MFN2: variants seen among roughly 807,000 people sequenced by gnomAD.
MFN2 encodes the protein mitofusin-2.
MFN2 carries 43 observed loss-of-function variants against 87.5 expected under a neutral mutation model. The observed-to-expected ratio is 0.49, with a 90% CI of 0.38 to 0.63. The LOEUF (loss-of-function observed/expected upper bound fraction) is 0.63. Among genes scored for constraint, MFN2 ranks in the 30% least tolerant of loss-of-function variants. MFN2 has a pLI of 0.00. For missense variants in MFN2, 743 were observed against 972.8 expected (o/e 0.76, Z 3.14); for synonymous variants, 337 against 359.9 (o/e 0.94, Z 0.72).
intron 18 of MFN2, among the ~76,000 whole-genome samples, chr1:12,010,887 G>A (rs1414451640): frequency 1.3e-5 from 2 of 152,242 alleles, no homozygotes; most frequent in African/African-American, 2.4e-5. Context: ...ATCAGCACAC[G>A]GGGACCCTGC....
At chr1:11,996,888 A>C (rs11577895) in intron 5 of MFN2, among the ~76,000 whole-genome samples, 98,613 of 151,844 alleles carry the variant, frequency 0.65, 32,416 homozygotes, top group African/African-American at 0.69. Flanking sequence ...AAATACAAAA[A>C]TTAGCTGGGC....
intron 4 of MFN2, among the ~76,000 whole-genome samples, chr1:11,994,156 C>G (rs1326468519): frequency 6.6e-6 from 1 of 152,228 alleles, no homozygotes; most frequent in African/African-American, 2.4e-5. Context: ...ATACCTGTGA[C>G]TGGAACCAAT....
chr1:12,007,159 C>A lies in MFN2; in HGVS notation c.1979C>A (p.Ala660Asp), dbSNP rs377090439. 6 of 1,614,088 alleles carry A rather than the reference C, an allele frequency of 3.7e-6. No individual in the cohort carries two copies. Among genetic ancestry groups the A allele is most frequent in the African/African-American group, 1.3e-5 (1 of 74,946 alleles). ...TGGACCACCAAGGCCAAGGAGAGGG[C>A]CTTCAAGCGCCAGTTTGTGGAGCAT... ...LTWTTKAKER[A>D]FKRQFVEHAS... Residue 660 changes from alanine (A) to aspartate (D), a missense_variant, in exon 17 of 19, where the codon GCC becomes GAC. Physicochemically the swap from Ala to Asp is moderately radical, Grantham distance 126. This residue lies in a region of MFN2 where 571 missense variants were observed against 670.7 expected (regional missense o/e 0.85). Coordinates refer to ENST00000235329, the MANE Select transcript of MFN2 (RefSeq NM_014874.4).
intron 3 of MFN2, among the ~76,000 whole-genome samples, chr1:11,990,579 C>G (rs1002818070): frequency 1.3e-5 from 2 of 152,138 alleles, no homozygotes; most frequent in Non-Finnish European, 2.9e-5. Flanking sequence ...GTGATGCATG[C>G]TTTGATTTCT....
Position 12,005,883 on chromosome 1 carries a change from C to T in MFN2, c.1668C>T (p.Phe556=), listed in dbSNP as rs1022836760. Residue 556 remains phenylalanine (F), a synonymous_variant, in exon 15 of 19, where the codon TTC becomes TTT. Coordinates refer to ENST00000235329, the MANE Select transcript of MFN2 (RefSeq NM_014874.4). The stretch of plus-strand genomic sequence containing the variant: ...GATGGACCATGCTGGTGAATAGGTT[C>T]CTGGGCCCCAAGAACAGCCGTCGGG... ...SLGWTMLVNR[F]LGPKNSRRAL... is the part of the protein sequence containing the mutation. 6.2e-7 allele frequency: 1 copy of T among 1,614,122 alleles called. No individual in the cohort carries two copies. Among genetic ancestry groups the T allele is most frequent in the Non-Finnish European group, 8.5e-7 (1 of 1,180,020 alleles).
At chr1:11,997,461 G>A in intron 6 of MFN2, 40 bp downstream of exon 6, 1 of 1,612,826 alleles carries the variant, frequency 6.2e-7, no homozygotes, top group South Asian at 1.1e-5. Context: ...CAAACTGGAA[G>A]GCACCAGGTT....
At chr1:11,998,456 G>A (rs940812310) in intron 6 of MFN2, among the ~76,000 whole-genome samples, 4 of 152,064 alleles carry the variant, frequency 2.6e-5, no homozygotes. Flanking sequence ...GCTGAGGCAG[G>A]AGGATCGCTT....
chr1:11,983,800 A>G (rs988209481), intron 2 of MFN2, among the ~76,000 whole-genome samples: 8 of 152,220 alleles, frequency 5.3e-5, no homozygotes, highest in African/African-American at 1.9e-4. Flanking sequence ...AGGAGGCTTC[A>G]TGGAGCGGGT....
rs944651399 is a variant in MFN2 at position 12,011,634 on chromosome 1, C to G, written c.*69C>G. On this transcript the variant is annotated 3_prime_UTR_variant, in exon 19 of 19. Transcript: ENST00000235329. ...CAGCCCTAAGTGCCATGTGGGCTCCCCCAGGGGCACGTGTGGCTCCTGCCC... is the reference window on the plus strand; with the variant it reads ...CAGCCCTAAGTGCCATGTGGGCTCCGCCAGGGGCACGTGTGGCTCCTGCCC... The G allele has an allele frequency of 7.1e-6, 11 of 1,545,036 alleles. No homozygotes were observed. In the Admixed American group the frequency reaches 1.7e-4, roughly 24 times the overall value.
At chr1:11,989,015 T>G in intron 2 of MFN2, 150 bp from the exon 3 acceptor site, 2 of 906,342 alleles carry the variant, frequency 2.2e-6, no homozygotes, top group Non-Finnish European at 3.5e-6. Flanking sequence ...GACACTGTTC[T>G]TATCTCACCG....
Position 12,003,889 on chromosome 1 carries a change from G to A in MFN2, c.1161-103G>A. 6.6e-7 allele frequency: 1 copy of A among 1,513,318 alleles called. No homozygotes were observed. The highest frequency in any genetic ancestry group is 1.4e-5 in the African/African-American group (1 of 72,946). The allele number at this position is 1,513,318 out of a possible 1,614,324, so 93.7% of individuals were successfully genotyped here. On this transcript the variant is annotated intron_variant, in intron 11 of 18. Transcript: ENST00000235329. The surrounding 1 kb of genome is among the most constrained non-coding windows in gnomAD (Gnocchi z 4.1). ...TGGGTGCGTGTGTGCAGCCCTGCCA[G>A]GCAAGATAGCGGGCAGGGCGGCGTG...
At chr1:12,008,290 G>T (rs753760410) in intron 17 of MFN2, among the ~76,000 whole-genome samples, 1 of 151,956 alleles carries the variant, frequency 6.6e-6, no homozygotes, top group Non-Finnish European at 1.5e-5. Context: ...GGTGGTGGCC[G>T]GGCAGAGGGG....
rs528278153 is a variant in MFN2, at chr1:12,010,833, C to T, written c.2205-663C>T. On this transcript the variant is annotated intron_variant, in intron 18 of 18. Transcript: ENST00000235329. Reference sequence around the variant, plus strand: ...CCCAGCTCATGATAACATCAGCACACGGGGACCCTGCAGAAGTCCTCGGCC... The same window carrying T: ...CCCAGCTCATGATAACATCAGCACATGGGGACCCTGCAGAAGTCCTCGGCC... Among the ~76,000 whole-genome samples the T allele has an allele frequency of 5.4e-4, 82 of 152,086 alleles. 1 individual carries two copies. Among genetic ancestry groups the T allele is most frequent in the African/African-American group, 1.9e-3 (79 of 41,504 alleles).
At position 11,997,419 on chromosome 1, in the gene MFN2, C is replaced by T. The variant is rs1205882839; in HGVS notation, c.597C>T (p.Asp199=). The part of the protein sequence containing the change: ...PLLKDDLVLM[D]SPGIDVTTEL... ...TGAAGGATGACCTCGTTTTGATGGACAGGTAAGAGGGAGGTGCCCTCCTAG... is the reference window on the plus strand; with the variant it reads ...TGAAGGATGACCTCGTTTTGATGGATAGGTAAGAGGGAGGTGCCCTCCTAG... The change falls in exon 6 of 19, where the codon GAC becomes GAT. Residue 199 remains aspartate (D), a splice_region_variant and synonymous_variant. Transcript: ENST00000235329. 4 of 1,614,104 alleles carry T rather than the reference C, an allele frequency of 2.5e-6. No individual in the cohort carries two copies. Among genetic ancestry groups the T allele is most frequent in the East Asian group, 2.2e-5 (1 of 44,878 alleles).
chr1:12,006,023 T>A, intron 15 of MFN2, 92 bp downstream of exon 15: 1 of 1,248,312 alleles, frequency 8.0e-7, no homozygotes, highest in Non-Finnish European at 1.2e-6. Context: ...GGGGGTTCCC[T>A]AAGGTCAGCA....
chr1:11,984,582 A>G (rs1638312977), intron 2 of MFN2, among the ~76,000 whole-genome samples: 1 of 152,110 alleles, frequency 6.6e-6, no homozygotes, highest in Non-Finnish European at 1.5e-5. Context: ...GTTTTTTGAT[A>G]TAATGTTAGA....
chr1:11,997,145 C>G, intron 5 of MFN2, 152 bp from the exon 6 acceptor site: 2 of 1,153,574 alleles, frequency 1.7e-6, no homozygotes, highest in Non-Finnish European at 2.5e-6. Flanking sequence ...TTCTTATTGA[C>G]AACTCCCAGC....
Position 12,005,930 on chromosome 1 carries a change from A to G in MFN2, c.1715A>G (p.Gln572Arg). 1 of 1,613,178 alleles carries G rather than the reference A, an allele frequency of 6.2e-7. No individual in the cohort carries two copies. The highest frequency in any genetic ancestry group is 8.5e-7 in the Non-Finnish European group (1 of 1,179,968). The part of the protein sequence containing the change: ...SRRALMGYND[Q>R]VQRPIPLTPA... The stretch of plus-strand genomic sequence containing the variant: ...CGGGCCTTGATGGGCTACAATGACC[A>G]GGCAAGCAAAGTTCCTCACCTCAAG... The change falls in exon 15 of 19, where the codon CAG becomes CGG. Residue 572 changes from glutamine (Q) to arginine (R), a missense_variant and splice_region_variant. Around this residue, in one of 3 missense-constraint regions of MFN2, gnomAD observed 571 missense variants for 670.7 expected, o/e 0.85. Coordinates refer to ENST00000235329, the MANE Select transcript of MFN2 (RefSeq NM_014874.4).
rs1639282671 is a variant in MFN2, at chr1:12,003,811, C to T, written c.1161-181C>T. On this transcript the variant is annotated intron_variant, in intron 11 of 18. Transcript: ENST00000235329. This position sits in a 1 kb window ranked among gnomAD's most constrained non-coding sequence, Gnocchi z 4.1. ...GACCCACATCGAAGACTGAAGAGTG[C>T]ATGGTTGGCTGCAGGGTCCTCTTCT... 6.6e-6 allele frequency among the ~76,000 whole-genome samples: 1 copy of T among 152,230 alleles called. No homozygotes were observed. Among genetic ancestry groups the T allele is most frequent in the African/African-American group, 2.4e-5 (1 of 41,464 alleles).
Sources: allele counts gnomAD v4.1 joint callset (sites outside exome capture counted in the v4.1 genomes callset), GRCh38; gene constraint gnomAD v4.1.1; regional missense constraint gnomAD v4.1.1; non-coding constraint Gnocchi (gnomAD v3.1); transcripts MANE v1.5; gene names NCBI Gene and HGNC (gene_info 2026-07-23, HGNC 2026-07-21).